Variants in TEX29 observed in about 807,000 individuals in gnomAD.
The protein encoded by TEX29 is testis expressed 29, also known as testis-expressed protein 29.
A neutral mutation model predicts 18.2 loss-of-function variants in TEX29; 26 were observed. The observed-to-expected ratio is 1.43, with a 90% CI of 1.04 to 1.98. The LOEUF (loss-of-function observed/expected upper bound fraction) is 1.98, where lower values mean the gene tolerates loss of function less well. TEX29 is among the 30% of genes most tolerant of loss of function. The pLI, the probability that TEX29 is intolerant of heterozygous loss-of-function variation, is 0.00. For synonymous variants in TEX29, 83 were observed against 78.5 expected (o/e 1.06, Z -0.31); for missense variants, 177 against 194.2 (o/e 0.91, Z 0.53).
At chr13:111,320,641 C>T, upstream of TEX29, 1 of 574,292 alleles carries the variant, frequency 1.7e-6, no homozygotes, top group Non-Finnish European at 3.1e-6. Context: ...TCCCACAGTC[C>T]ATAGTGAGCG....
rs550617024 is a variant in TEX29, at chr13:111,328,890, C to T, written c.169+597C>T. Among the ~76,000 whole-genome samples the T allele has an allele frequency of 7.2e-5, 11 of 152,342 alleles. No individual in the cohort carries two copies. The South Asian group carries it at 1.0e-3, about 14-fold the overall frequency. Reference sequence around the variant, plus strand: ...CGCCGGAGGCGTTGCCACTCCCCATCCCCGTGAAGGCTTCCGGAGGGAGGC... The same window carrying T: ...CGCCGGAGGCGTTGCCACTCCCCATTCCCGTGAAGGCTTCCGGAGGGAGGC... On this transcript the variant is annotated intron_variant, in intron 3 of 5. Coordinates refer to ENST00000283547, the MANE Select transcript of TEX29 (RefSeq NM_152324.3).
At chr13:111,317,250 G>A (rs927414485), upstream of TEX29, among the ~76,000 whole-genome samples, 1 of 152,102 alleles carries the variant, frequency 6.6e-6, no homozygotes, top group Admixed American at 6.5e-5. Flanking sequence ...GAATCATCCC[G>A]GGAGCCGTCC....
At chr13:111,317,623 T>A (rs192414630), upstream of TEX29, among the ~76,000 whole-genome samples, 392 of 152,366 alleles carry the variant, frequency 2.6e-3, no homozygotes, top group African/African-American at 8.8e-3. Context: ...AGCGAAGTCA[T>A]CAACACGGGC....
chr13:111,320,740 C>A lies in TEX29; in HGVS notation c.-57C>A, dbSNP rs1441779250. On this transcript the variant is annotated 5_prime_UTR_variant, in exon 1 of 6. Transcript: ENST00000283547. Reference sequence around the variant, plus strand: ...TGAGAGGCACAGGTGGCTGAGGGGACCCGCCTGGGATGTGAGGCGCAGGTG... The same window carrying A: ...TGAGAGGCACAGGTGGCTGAGGGGAACCGCCTGGGATGTGAGGCGCAGGTG... 3.4e-6 allele frequency: 3 copies of A among 887,182 alleles called. No individual in the cohort carries two copies. Among genetic ancestry groups the A allele is most frequent in the African/African-American group, 1.7e-5 (1 of 60,510 alleles). 55.0% of individuals were successfully genotyped at this position (887,182 alleles called of 1,614,324 possible).
At chr13:111,323,398 C>T (rs936663095) in intron 2 of TEX29, among the ~76,000 whole-genome samples, 10 of 152,220 alleles carry the variant, frequency 6.6e-5, no homozygotes, top group South Asian at 2.1e-4. Flanking sequence ...TGCCTTACTG[C>T]GGGGATACAG....
chr13:111,329,007 C>T (rs1007016983), intron 3 of TEX29, among the ~76,000 whole-genome samples: 3 of 152,188 alleles, frequency 2.0e-5, no homozygotes, highest in African/African-American at 2.4e-5. Flanking sequence ...GCGTGAAGGG[C>T]GTTGGGCTCC....
chr13:111,339,903 T>A lies in TEX29; in HGVS notation c.210T>A (p.Ala70=). 6.2e-7 allele frequency: 1 copy of A among 1,604,724 alleles called. No homozygotes were observed. The part of the protein sequence containing the change: ...HVFSALIVII[A]GAFVITIIYR... ...TCTCTGCCTTGATTGTGATCATCGCTGGGGCCTTCGTCATCACCATCATCT... is the reference window on the plus strand; with the variant it reads ...TCTCTGCCTTGATTGTGATCATCGCAGGGGCCTTCGTCATCACCATCATCT... The change falls in exon 4 of 6, where the codon GCT becomes GCA. Residue 70 remains alanine (A), a synonymous_variant. Coordinates refer to ENST00000283547, the MANE Select transcript of TEX29 (RefSeq NM_152324.3).
upstream of TEX29, among the ~76,000 whole-genome samples, chr13:111,316,978 A>C (rs1043595091): frequency 6.6e-6 from 1 of 152,038 alleles, no homozygotes; most frequent in South Asian, 2.1e-4. Context: ...AGAACTCACT[A>C]TCATGAGAAC....
chr13:111,328,208 T>C lies in TEX29; in HGVS notation c.84T>C (p.Ile28=), dbSNP rs750567240. ...TGTGTGACGTTCCTCTGTATGACAT[T>C]TGTGACTACAACGTCTCCAGGGACC... The part of the protein sequence containing the change: ...FTVCDVPLYD[I]CDYNVSRDRC... Residue 28 remains isoleucine, a synonymous_variant, in exon 3 of 6, where the codon ATT becomes ATC. Coordinates refer to ENST00000283547, the MANE Select transcript of TEX29 (RefSeq NM_152324.3). The C allele has an allele frequency of 1.2e-6, 2 of 1,613,762 alleles. No homozygotes were observed. Among genetic ancestry groups the C allele is most frequent in the African/African-American group, 2.7e-5 (2 of 74,918 alleles).
intron 4 of TEX29, 96 bp downstream of exon 4, chr13:111,340,028 T>A: frequency 1.7e-6 from 2 of 1,202,936 alleles, no homozygotes; most frequent in Non-Finnish European, 2.5e-6. Flanking sequence ...TCGGGCTTGG[T>A]GCTGCTGGGG....
At chr13:111,333,698 C>T (rs1467053622) in intron 3 of TEX29, among the ~76,000 whole-genome samples, 1 of 152,210 alleles carries the variant, frequency 6.6e-6, no homozygotes, top group Admixed American at 6.5e-5. Context: ...TTCTGCATGG[C>T]TAGGGAGGCC....
At chr13:111,318,247 G>A (rs990594354), upstream of TEX29, among the ~76,000 whole-genome samples, 3 of 152,072 alleles carry the variant, frequency 2.0e-5, no homozygotes, top group African/African-American at 7.2e-5. Context: ...CAGAGGTAAC[G>A]GGTCCCCGTG....
chr13:111,320,990 G>GGGGGGGGGGGGGGGGGGGGGGGGGGGCTC, intron 2 of TEX29, 42 bp downstream of exon 2: 1 of 404,332 alleles, frequency 2.5e-6, no homozygotes, highest in Non-Finnish European at 4.5e-6. Flanking sequence ...GGGTGGGGGA[G>GGGGGGGGGGGGGGGGGGGGGGGGGGGCTC]CAGTTGGGGG....
rs1566322596 is a variant in TEX29 at position 111,342,897 on chromosome 13, G to A, written c.381G>A (p.Gly127=). The A allele has an allele frequency of 6.2e-7, 1 of 1,614,178 alleles. No homozygotes were observed. Among genetic ancestry groups the A allele is most frequent in the South Asian group, 1.1e-5 (1 of 91,080 alleles). The change falls in exon 5 of 6, where the codon GGG becomes GGA. Residue 127 remains glycine (G), a synonymous_variant. Coordinates refer to ENST00000283547, the MANE Select transcript of TEX29 (RefSeq NM_152324.3). ...CGAGTCCTGGGCCTCCAAGTGCTGG[G>A]CCCTCGATGAAGAGTGACGAGGATA... ...KPASPGPPSA[G]PSMKSDEDKD... is the part of the protein sequence containing the mutation.
intron 5 of TEX29, 115 bp downstream of exon 5, chr13:111,343,046 A>T: frequency 7.8e-7 from 1 of 1,274,886 alleles, no homozygotes; most frequent in Non-Finnish European, 1.1e-6. Flanking sequence ...AACCTCAGTG[A>T]TCAGTGTTGC....
intron 3 of TEX29, chr13:111,339,533 C>T: frequency 2.2e-6 from 1 of 454,350 alleles, no homozygotes; most frequent in South Asian, 2.0e-5. Flanking sequence ...CCAGCGCCAT[C>T]TTTCCATGCA....
intron 4 of TEX29, 74 bp from the exon 5 acceptor site, chr13:111,342,682 T>C: frequency 6.9e-7 from 1 of 1,455,006 alleles, no homozygotes; most frequent in Non-Finnish European, 9.4e-7. Context: ...GATGTCCTGG[T>C]GGGTGGGAGG....
chr13:111,316,399 C>A, upstream of TEX29: 1 of 414,102 alleles, frequency 2.4e-6, no homozygotes, highest in Non-Finnish European at 4.9e-6. Flanking sequence ...CTGAGGCTGT[C>A]CCATGCGCAG....
intron 3 of TEX29, among the ~76,000 whole-genome samples, chr13:111,339,045 G>A (rs1595692529): frequency 6.6e-6 from 1 of 152,178 alleles, no homozygotes; most frequent in Non-Finnish European, 1.5e-5. Context: ...CTCAGAAAGA[G>A]GCTCAGGAGG....
Sources: allele counts gnomAD v4.1 joint callset (sites outside exome capture counted in the v4.1 genomes callset), GRCh38; gene constraint gnomAD v4.1.1; transcripts MANE v1.5; gene names NCBI Gene and HGNC (gene_info 2026-07-23, HGNC 2026-07-21).